Variants in CWF19L2 observed in about 807,000 individuals in gnomAD.
CWF19L2 encodes CWF19-like protein 2.
CWF19L2 carries 98 observed loss-of-function variants against 111.7 expected under a neutral mutation model. That is an observed-to-expected ratio of 0.88 (90% CI 0.75 to 1.04). CWF19L2 has a LOEUF of 1.04. Ranked by LOEUF, CWF19L2 falls within the 50% of genes least tolerant of loss-of-function variation. CWF19L2 has a pLI of 0.00. For missense variants in CWF19L2, 1,101 were observed against 1,051.4 expected, an observed-to-expected ratio of 1.05 and a Z score of -0.65; for synonymous variants, 351 against 342.9, an observed-to-expected ratio of 1.02 and a Z score of -0.26.
At chr11:107,338,637 T>C (rs1163970670) in intron 14 of CWF19L2, among the ~76,000 whole-genome samples, 1 of 152,134 alleles carries the variant, frequency 6.6e-6, no homozygotes, top group Non-Finnish European at 1.5e-5. Flanking sequence ...TTCTCATCAT[T>C]TAGCTCCCAT....
chr11:107,379,986 G>A (rs939035230), intron 12 of CWF19L2, among the ~76,000 whole-genome samples: 1 of 137,058 alleles, frequency 7.3e-6, no homozygotes, highest in Non-Finnish European at 1.5e-5. Context: ...GCCTGAGCTT[G>A]CAGTGAGCTG....
rs368410017 is a variant in CWF19L2, at chr11:107,421,993, G to A, written c.1434-3706C>T. Among the ~76,000 whole-genome samples the A allele has an allele frequency of 3.5e-3, 527 of 152,114 alleles. 8 individuals are homozygous for A. The highest frequency in any genetic ancestry group is 6.0e-3 in the Non-Finnish European group (408 of 67,954). ...CAACAGGAGAATGGAAAAACAAATT[G>A]TGATGTACCCACCAATAGTATATTA... On this transcript the variant is annotated intron_variant, in intron 8 of 17. Coordinates refer to ENST00000282251, the MANE Select transcript of CWF19L2 (RefSeq NM_152434.3).
At chr11:107,450,251 T>G (rs183005259) in intron 3 of CWF19L2, among the ~76,000 whole-genome samples, 17 of 152,050 alleles carry the variant, frequency 1.1e-4, no homozygotes, top group East Asian at 5.8e-4. Context: ...AAAATATATA[T>G]AGATCATAGG....
intron 16 of CWF19L2, among the ~76,000 whole-genome samples, chr11:107,331,852 A>G (rs1039873385): frequency 2.7e-4 from 41 of 152,312 alleles, no homozygotes; most frequent in African/African-American, 9.9e-4. Flanking sequence ...AGGCTGCAAA[A>G]AGGTACAACC....
Position 107,326,820 on chromosome 11 carries a change from C to T in CWF19L2, c.*90G>A. ...AGTCTGCTGCTGTGACTCTCTCTGC[C>T]TGTGACCTGAGGGTCAGTTGCTTCA... On this transcript the variant is annotated 3_prime_UTR_variant, in exon 18 of 18. Transcript: ENST00000282251. The T allele has an allele frequency of 9.0e-7, 1 of 1,115,824 alleles. No homozygotes were observed. The highest frequency in any genetic ancestry group is 2.7e-5 in the Admixed American group (1 of 37,164). The allele number at this position is 1,115,824 out of a possible 1,614,324, so 69.1% of individuals were successfully genotyped here.
intron 12 of CWF19L2, among the ~76,000 whole-genome samples, chr11:107,355,237 G>A (rs1318515375): frequency 1.3e-5 from 2 of 152,038 alleles, no homozygotes; most frequent in African/African-American, 4.8e-5. Context: ...CCAACATGGT[G>A]AAACCCCGTC....
chr11:107,327,084 A>G (rs1213197563), intron 17 of CWF19L2, 31 bp from the exon 18 acceptor site: 2 of 1,541,604 alleles, frequency 1.3e-6, no homozygotes, highest in Non-Finnish European at 1.7e-6. Context: ...CACAAACACA[A>G]GCATGTATAA....
At position 107,336,609 on chromosome 11, in the gene CWF19L2, T is replaced by C; in HGVS notation, c.2307A>G (p.Glu769=). The change falls in exon 15 of 18, where the codon GAA becomes GAG. Residue 769 remains glutamate, a synonymous_variant. Coordinates refer to ENST00000282251, the MANE Select transcript of CWF19L2 (RefSeq NM_152434.3). The part of the protein sequence containing the change: ...SMKKQYHMVY[E]CIPLPKEVGD... Reference sequence around the variant, plus strand: ...CCACTTCCTTGGGAAGAGGAATACATTCATAAACCATGTGATACTGTTTCT... The same window carrying C: ...CCACTTCCTTGGGAAGAGGAATACACTCATAAACCATGTGATACTGTTTCT... 3.1e-6 allele frequency: 5 copies of C among 1,608,906 alleles called. No homozygotes were observed. Among genetic ancestry groups the C allele is most frequent in the Middle Eastern group, 1.7e-4 (1 of 6,042 alleles).
rs1565280387 is a variant in CWF19L2 at position 107,428,940 on chromosome 11, G to C, written c.1292C>G (p.Ser431Ter). 1.2e-6 allele frequency: 2 copies of C among 1,613,512 alleles called. No homozygotes were observed. Among genetic ancestry groups the C allele is most frequent in the African/African-American group, 2.7e-5 (2 of 74,946 alleles). ...RSDGRGDKKH[S>*]NQKPSETSTD... The stretch of plus-strand genomic sequence containing the variant: ...ACTGGTTTCCGATGGCTTTTGATTT[G>C]AATGTTTCTTGTCTCCTCTCCCATC... Residue 431 changes from serine (S) to a stop codon, truncating the protein, a stop_gained, in exon 8 of 18, where the codon TCA becomes TGA. Transcript: ENST00000282251. LOFTEE classifies it high-confidence loss of function.
At chr11:107,400,460 C>T (rs1860984446) in intron 10 of CWF19L2, among the ~76,000 whole-genome samples, 1 of 151,920 alleles carries the variant, frequency 6.6e-6, no homozygotes, top group African/African-American at 2.4e-5. Flanking sequence ...AACTAGAAAA[C>T]CTAGAAGAGA....
chr11:107,378,329 G>A (rs1271851601), intron 12 of CWF19L2, among the ~76,000 whole-genome samples: 3 of 150,446 alleles, frequency 2.0e-5, no homozygotes, highest in African/African-American at 7.4e-5. Context: ...TATGTTTATT[G>A]CGGCACTATT....
At chr11:107,351,886 G>C (rs1860160934) in intron 13 of CWF19L2, among the ~76,000 whole-genome samples, 2 of 152,168 alleles carry the variant, frequency 1.3e-5, no homozygotes, top group African/African-American at 4.8e-5. Context: ...CCTACTGGAA[G>C]ATAACAGACC....
chr11:107,342,689 A>G (rs1240856387), intron 14 of CWF19L2, among the ~76,000 whole-genome samples: 3 of 152,184 alleles, frequency 2.0e-5, no homozygotes, highest in Admixed American at 6.5e-5. Context: ...ATGGCCCCCA[A>G]GATATCCAGG....
rs1859819435 is a variant in CWF19L2, at chr11:107,329,976, T to G, written c.2483A>C (p.His828Pro). ...LPYFSVDFGLHGGFAHVIEDQ... is the reference protein window; with the variant it reads ...LPYFSVDFGLPGGFAHVIEDQ... Reference sequence around the variant, plus strand: ...TTCAATGACATGGGCAAACCCTCCGTGAAGGCCAAAATCCACAGAGAAGTA... The same window carrying G: ...TTCAATGACATGGGCAAACCCTCCGGGAAGGCCAAAATCCACAGAGAAGTA... The change falls in exon 17 of 18, where the codon CAC (histidine) becomes CCC (proline). Residue 828 changes from histidine (H) to proline (P), a missense_variant. Physicochemically the swap from His to Pro is moderately conservative, Grantham distance 77. Coordinates refer to ENST00000282251, the MANE Select transcript of CWF19L2 (RefSeq NM_152434.3). 2 of 1,590,448 alleles carry G rather than the reference T, an allele frequency of 1.3e-6. No individual in the cohort carries two copies. Among genetic ancestry groups the G allele is most frequent in the African/African-American group, 1.3e-5 (1 of 74,504 alleles).
At chr11:107,389,494 T>C (rs1860817433) in intron 12 of CWF19L2, among the ~76,000 whole-genome samples, 1 of 152,198 alleles carries the variant, frequency 6.6e-6, no homozygotes, top group Non-Finnish European at 1.5e-5. Flanking sequence ...GTGTCTCTTT[T>C]ATAAAAAATG....
rs1861047079 is a variant in CWF19L2, at chr11:107,404,214, A to G, written c.1618-11319T>C. Reference sequence around the variant, plus strand: ...AATTATGATAGACCTTCATAAATTCATTGTACTCTTTCTGCTTCGTATCCA... The same window carrying G: ...AATTATGATAGACCTTCATAAATTCGTTGTACTCTTTCTGCTTCGTATCCA... On this transcript the variant is annotated intron_variant, in intron 10 of 17. Coordinates refer to ENST00000282251, the MANE Select transcript of CWF19L2 (RefSeq NM_152434.3). 6 of 777,262 alleles carry G rather than the reference A, an allele frequency of 7.7e-6. No individual in the cohort carries two copies. In the Admixed American group the frequency reaches 1.0e-4, roughly 13 times the overall value. 48.1% of individuals were successfully genotyped at this position (777,262 alleles called of 1,614,324 possible).
intron 14 of CWF19L2, among the ~76,000 whole-genome samples, chr11:107,340,871 G>C (rs1053517608): frequency 2.2e-4 from 34 of 152,080 alleles, no homozygotes; most frequent in African/African-American, 8.0e-4. Context: ...GTGTTTTGTA[G>C]TTTTTAGCAT....
At chr11:107,446,297 TTA>T (rs1861701640) in intron 3 of CWF19L2, among the ~76,000 whole-genome samples, 1 of 152,246 alleles carries the variant, frequency 6.6e-6, no homozygotes, top group Admixed American at 6.5e-5. Flanking sequence ...ATCAAATTGC[TTA>T]TAGTTATATT....
At chr11:107,452,967 G>C (rs1032670745) in intron 3 of CWF19L2, among the ~76,000 whole-genome samples, 1 of 151,992 alleles carries the variant, frequency 6.6e-6, no homozygotes, top group African/African-American at 2.4e-5. Flanking sequence ...ACATAGTGAG[G>C]CTCCATCTCT....
Sources: gnomAD v4.1 joint callset for allele counts (sites outside exome capture counted in the v4.1 genomes callset) on GRCh38, gnomAD v4.1.1 for gene constraint, MANE v1.5 for transcripts, NCBI Gene and HGNC (gene_info 2026-07-23, HGNC 2026-07-21) for gene names.